The following CDK14 variants were observed in gnomAD, a reference collection of about 807,000 sequenced individuals.
CDK14 encodes cyclin dependent kinase 14.
In CDK14, 34 loss-of-function variants were observed where a neutral mutation model predicts 60.7. The observed-to-expected ratio is 0.56, with a 90% CI of 0.43 to 0.75. The LOEUF is 0.75. Among genes scored for constraint, CDK14 ranks in the 30% least tolerant of loss-of-function variants. CDK14 has a pLI of 0.00. For synonymous variants in CDK14, 197 were observed against 203.7 expected (o/e 0.97, Z 0.28); for missense variants, 482 against 564.1 (o/e 0.85, Z 1.47).
intron 8 of CDK14, among the ~76,000 whole-genome samples, chr7:90,943,932 T>C (rs1192796826): frequency 6.6e-6 from 1 of 152,070 alleles, no homozygotes; most frequent in Non-Finnish European, 1.5e-5. Context: ...GTGATTAGGT[T>C]GTTAAGAGGA....
chr7:90,736,682 T>G (rs1196183612), intron 3 of CDK14, among the ~76,000 whole-genome samples: 1 of 152,164 alleles, frequency 6.6e-6, no homozygotes, highest in African/African-American at 2.4e-5. Context: ...TTTTATAGGC[T>G]CCAAGAGTAG....
At chr7:90,960,634 A>G (rs546750983) in intron 9 of CDK14, among the ~76,000 whole-genome samples, 1 of 152,286 alleles carries the variant, frequency 6.6e-6, no homozygotes, top group African/African-American at 2.4e-5. Flanking sequence ...TTTATTAAGT[A>G]TTGAAAGGCC....
intron 14 of CDK14, among the ~76,000 whole-genome samples, chr7:91,149,429 A>G (rs1387945556): frequency 5.9e-5 from 9 of 152,170 alleles, no homozygotes; most frequent in Non-Finnish European, 1.2e-4. Flanking sequence ...CCAAGTGTGG[A>G]AGCAAATTGC....
At chr7:91,204,410 GAAA>G (rs36085776) in intron 14 of CDK14, among the ~76,000 whole-genome samples, 2 of 150,002 alleles carry the variant, frequency 1.3e-5, no homozygotes, top group Non-Finnish European at 3.0e-5. Flanking sequence ...AGCAACAAAA[GAAA>G]AAAAAAGATA....
intron 5 of CDK14, among the ~76,000 whole-genome samples, chr7:90,812,450 C>T (rs1183437641): frequency 6.6e-6 from 1 of 151,928 alleles, no homozygotes; most frequent in Non-Finnish European, 1.5e-5. Context: ...GGGCATATCA[C>T]ACACTGGGGC....
chr7:90,963,375 A>G (rs917023455), intron 9 of CDK14, among the ~76,000 whole-genome samples: 12 of 152,104 alleles, frequency 7.9e-5, no homozygotes, highest in African/African-American at 2.9e-4. Context: ...TGATCACACC[A>G]TTGCACTCCA....
At chr7:90,828,973 G>A (rs540471460) in intron 5 of CDK14, among the ~76,000 whole-genome samples, 161 of 152,186 alleles carry the variant, frequency 1.1e-3, no homozygotes, top group African/African-American at 3.8e-3. Flanking sequence ...CTGCATGTCT[G>A]GGGGAGGCCT....
intron 4 of CDK14, among the ~76,000 whole-genome samples, chr7:90,780,871 A>G (rs1310753561): frequency 6.6e-6 from 1 of 151,926 alleles, no homozygotes; most frequent in Admixed American, 6.6e-5. Context: ...ATACGTGTGC[A>G]TGTGTCTTTA....
At chr7:90,803,034 C>A (rs141250940) in intron 5 of CDK14, among the ~76,000 whole-genome samples, 1 of 151,892 alleles carries the variant, frequency 6.6e-6, no homozygotes, top group Non-Finnish European at 1.5e-5. Context: ...GACTTTAATA[C>A]GCTGTTTGGA....
intron 14 of CDK14, among the ~76,000 whole-genome samples, chr7:91,168,353 G>C (rs1308754891): frequency 6.6e-6 from 1 of 151,862 alleles, no homozygotes; most frequent in Non-Finnish European, 1.5e-5. Flanking sequence ...ACAGGGCCTG[G>C]CACATAGGAA....
chr7:91,201,902 C>T (rs1439266163), intron 14 of CDK14, among the ~76,000 whole-genome samples: 1 of 152,170 alleles, frequency 6.6e-6, no homozygotes, highest in Non-Finnish European at 1.5e-5. Flanking sequence ...TACATTTTCC[C>T]CAAAGGCTTT....
At chr7:91,015,401 T>C (rs561783524) in intron 10 of CDK14, among the ~76,000 whole-genome samples, 1 of 152,264 alleles carries the variant, frequency 6.6e-6, no homozygotes, top group South Asian at 2.1e-4. Flanking sequence ...AGATTGTACT[T>C]ACCCTATATG....
chr7:90,836,215 TA>T (rs894470348), intron 5 of CDK14, among the ~76,000 whole-genome samples: 1 of 152,136 alleles, frequency 6.6e-6, no homozygotes, highest in Non-Finnish European at 1.5e-5. Context: ...TTTTACTTTA[TA>T]AACTTTGTAA....
At chr7:91,147,052 A>G (rs1800659779) in intron 14 of CDK14, among the ~76,000 whole-genome samples, 1 of 152,018 alleles carries the variant, frequency 6.6e-6, no homozygotes, top group South Asian at 2.1e-4. Flanking sequence ...AATAAGGAGC[A>G]TCATTTGCTT....
chr7:91,120,622 C>T (rs1799751755), intron 14 of CDK14, among the ~76,000 whole-genome samples: 1 of 151,852 alleles, frequency 6.6e-6, no homozygotes, highest in South Asian at 2.1e-4. Flanking sequence ...CAACCTCTGC[C>T]CCCGCCTGGG....
At position 90,813,801 on chromosome 7, in the gene CDK14, G is replaced by A. The variant is rs537678729; in HGVS notation, c.544+23149G>A. Among the ~76,000 whole-genome samples, 17 of 152,178 alleles carry A rather than the reference G, an allele frequency of 1.1e-4. No individual in the cohort carries two copies. In the East Asian group the frequency reaches 1.9e-3, roughly 17 times the overall value. ...GTAATATAAATAATAGTTAGGGTCC[G>A]AAGAATGTAAAACAAACAAATCTGA... is the stretch of plus-strand genomic sequence containing the variant. On this transcript the variant is annotated intron_variant, in intron 5 of 14. Coordinates refer to ENST00000380050, the MANE Select transcript of CDK14 (RefSeq NM_001287135.2).
intron 11 of CDK14, among the ~76,000 whole-genome samples, chr7:91,076,668 A>C (rs1223667782): frequency 5.3e-5 from 8 of 152,242 alleles, no homozygotes; most frequent in Non-Finnish European, 1.0e-4. Flanking sequence ...ATTAAACTAA[A>C]GAGCTTCTGC....
chr7:90,683,050 A>G lies in CDK14; in HGVS notation c.124-43517A>G, dbSNP rs1195879583. 2.6e-5 allele frequency among the ~76,000 whole-genome samples: 4 copies of G among 152,190 alleles called. No homozygotes were observed. In the East Asian group the frequency reaches 7.7e-4, roughly 29 times the overall value. The stretch of plus-strand genomic sequence containing the variant: ...TTTTTTCCCCTTGCTACTGTGGGCA[A>G]TCTGTGGGGAGACATTTTAATTCCA... On this transcript the variant is annotated intron_variant, in intron 2 of 14. Coordinates refer to ENST00000380050, the MANE Select transcript of CDK14 (RefSeq NM_001287135.2).
chr7:90,814,311 G>T (rs1252973583), intron 5 of CDK14, among the ~76,000 whole-genome samples: 13 of 152,084 alleles, frequency 8.5e-5, no homozygotes, highest in Admixed American at 7.9e-4. Context: ...AGTTTCAGGG[G>T]TCTCTTGTTG....
Sources: allele counts gnomAD v4.1 joint callset (sites outside exome capture counted in the v4.1 genomes callset), GRCh38; gene constraint gnomAD v4.1.1; transcripts MANE v1.5; gene names NCBI Gene and HGNC (gene_info 2026-07-23, HGNC 2026-07-21).